Variants in LTBP1 observed in about 807,000 individuals in gnomAD.
LTBP1 encodes latent transforming growth factor beta binding protein 1, also known as latent-transforming growth factor beta-binding protein 1.
LTBP1 carries 129 observed loss-of-function variants against 207.6 expected under a neutral mutation model. The observed-to-expected ratio is 0.62, with a 90% CI of 0.54 to 0.72. The LOEUF is 0.72. LTBP1 is among the 30% of genes least tolerant of loss of function. The pLI is 0.00. For missense variants in LTBP1, 2,281 were observed against 2,217.2 expected (o/e 1.03, Z -0.58); for synonymous variants, 963 against 833.7 (o/e 1.16, Z -2.67).
At chr2:33,032,377 C>G in intron 3 of LTBP1, among the ~76,000 whole-genome samples, 1 of 152,166 alleles carries the variant, frequency 6.6e-6, no homozygotes, top group South Asian at 2.1e-4. Flanking sequence ...TCTTTGTTGG[C>G]TTTATAGCTT....
chr2:33,348,878 T>A (rs1376147314), intron 26 of LTBP1, among the ~76,000 whole-genome samples: 2 of 152,228 alleles, frequency 1.3e-5, no homozygotes, highest in Non-Finnish European at 1.5e-5. Flanking sequence ...TTCATTTGTA[T>A]AGCTCCTGGC....
intron 31 of LTBP1, among the ~76,000 whole-genome samples, chr2:33,378,213 GTGTGTGTGTT>G (rs1232751624): frequency 7.1e-6 from 1 of 141,590 alleles, no homozygotes; most frequent in Non-Finnish European, 1.6e-5. Flanking sequence ...GTGTGTGTGT[GTGTGTGTGTT>G]TTGTTTGTTT....
intron 3 of LTBP1, among the ~76,000 whole-genome samples, chr2:33,035,310 C>T (rs1573219265): frequency 6.6e-6 from 1 of 152,088 alleles, no homozygotes; most frequent in Non-Finnish European, 1.5e-5. Flanking sequence ...GGCTATATAC[C>T]TTGATATGGA....
At chr2:33,279,883 A>G (rs1053261753) in intron 18 of LTBP1, among the ~76,000 whole-genome samples, 156 bp from the exon 19 acceptor site, 2 of 152,202 alleles carry the variant, frequency 1.3e-5, no homozygotes, top group African/African-American at 4.8e-5. Context: ...ATTGCCATGT[A>G]TTTAAGTATA....
chr2:33,274,182 A>G (rs561534630), intron 16 of LTBP1, among the ~76,000 whole-genome samples: 1 of 152,310 alleles, frequency 6.6e-6, no homozygotes, highest in South Asian at 2.1e-4. Flanking sequence ...AGGGATTTTA[A>G]AATTGAAAAT....
At chr2:33,333,893 G>A (rs1434875415) in intron 24 of LTBP1, among the ~76,000 whole-genome samples, 2 of 152,100 alleles carry the variant, frequency 1.3e-5, no homozygotes, top group Non-Finnish European at 2.9e-5. Flanking sequence ...CTAGGACTAA[G>A]CTCTGAGAAA....
intron 3 of LTBP1, among the ~76,000 whole-genome samples, chr2:33,028,744 T>C (rs892291241): frequency 2.0e-5 from 3 of 152,170 alleles, no homozygotes; most frequent in Non-Finnish European, 4.4e-5. Context: ...CATAAGGGTT[T>C]TCATTGATCA....
chr2:33,240,796 A>G (rs1397050248), intron 9 of LTBP1, among the ~76,000 whole-genome samples: 4 of 151,896 alleles, frequency 2.6e-5, no homozygotes, highest in East Asian at 3.9e-4. Flanking sequence ...GACTGCAGGC[A>G]CCTGCCACCA....
intron 23 of LTBP1, among the ~76,000 whole-genome samples, chr2:33,312,862 G>C (rs998743472): frequency 2.6e-5 from 4 of 152,154 alleles, no homozygotes; most frequent in Non-Finnish European, 4.4e-5. Flanking sequence ...AATAAGAAGA[G>C]GGGTCTCAGG....
At chr2:33,187,867 T>A (rs997457837) in intron 6 of LTBP1, among the ~76,000 whole-genome samples, 2 of 152,230 alleles carry the variant, frequency 1.3e-5, no homozygotes, top group Non-Finnish European at 2.9e-5. Context: ...AATAGAAACA[T>A]GTAAATCCTA....
At chr2:33,173,041 A>G (rs1021787136) in intron 5 of LTBP1, among the ~76,000 whole-genome samples, 2 of 152,220 alleles carry the variant, frequency 1.3e-5, no homozygotes, top group Non-Finnish European at 2.9e-5. Flanking sequence ...AAATGTCCAC[A>G]AGAGAAAGCA....
At chr2:32,957,557 G>C (rs1678288685) in intron 2 of LTBP1, among the ~76,000 whole-genome samples, 1 of 152,052 alleles carries the variant, frequency 6.6e-6, no homozygotes, top group African/African-American at 2.4e-5. Context: ...ATGATTTGTG[G>C]TGCCCCAAAA....
chr2:33,314,688 A>G (rs942516993), intron 23 of LTBP1, among the ~76,000 whole-genome samples: 4 of 152,240 alleles, frequency 2.6e-5, no homozygotes, highest in African/African-American at 9.6e-5. Context: ...TACTATAAAT[A>G]AGACATGTCT....
At chr2:33,195,903 G>T (rs1267071276) in intron 7 of LTBP1, among the ~76,000 whole-genome samples, 8 of 152,098 alleles carry the variant, frequency 5.3e-5, no homozygotes, top group Non-Finnish European at 1.5e-5. Context: ...ATCCTGATTG[G>T]TTGACAGTCA....
At chr2:33,306,589 C>G (rs1180933326) in intron 22 of LTBP1, among the ~76,000 whole-genome samples, 1 of 151,908 alleles carries the variant, frequency 6.6e-6, no homozygotes, top group East Asian at 1.9e-4. Flanking sequence ...AACCAAAAAC[C>G]AGCATGAACA....
intron 3 of LTBP1, among the ~76,000 whole-genome samples, chr2:33,080,044 T>A (rs1460141345): frequency 6.6e-6 from 1 of 152,174 alleles, no homozygotes; most frequent in African/African-American, 2.4e-5. Context: ...TTTGTTTTTT[T>A]GAGACAGAGT....
intron 3 of LTBP1, among the ~76,000 whole-genome samples, chr2:33,095,512 TAGAG>T (rs905548318): frequency 3.3e-5 from 5 of 151,902 alleles, no homozygotes; most frequent in Non-Finnish European, 5.9e-5. Context: ...TAGAGTAAGA[TAGAG>T]AGTCTCCGCA....
intron 32 of LTBP1, 105 bp downstream of exon 32, chr2:33,389,411 C>A: frequency 6.8e-7 from 1 of 1,473,652 alleles, no homozygotes; most frequent in Non-Finnish European, 9.3e-7. Flanking sequence ...CATTTCTGGT[C>A]CCACCCCAGA....
At chr2:33,229,426 A>G (rs1350424550) in intron 9 of LTBP1, among the ~76,000 whole-genome samples, 2 of 152,124 alleles carry the variant, frequency 1.3e-5, no homozygotes, top group African/African-American at 4.8e-5. Context: ...GTGAGCTATG[A>G]TCGTGCCACT....
Sources: gnomAD v4.1 joint callset for allele counts (sites outside exome capture counted in the v4.1 genomes callset) on GRCh38, gnomAD v4.1.1 for gene constraint, MANE v1.5 for transcripts, NCBI Gene and HGNC (gene_info 2026-07-23, HGNC 2026-07-21) for gene names.